Variants in UPF3A observed in about 807,000 individuals in gnomAD.
UPF3A encodes the protein UPF3A regulator of nonsense mediated mRNA decay, also known as regulator of nonsense transcripts 3A.
UPF3A carries 42 observed loss-of-function variants against 53.5 expected under a neutral mutation model. That is an observed-to-expected ratio of 0.78 (90% CI 0.61 to 1.01). The LOEUF is 1.01. Among genes scored for constraint, UPF3A ranks in the 50% least tolerant of loss-of-function variants. The pLI, the probability that UPF3A is intolerant of heterozygous loss-of-function variation, is 0.00. For synonymous variants in UPF3A, 237 were observed against 225.3 expected, an observed-to-expected ratio of 1.05 and a Z score of -0.47; for missense variants, 575 against 598.0, an observed-to-expected ratio of 0.96 and a Z score of 0.40.
At chr13:114,297,639 G>T (rs2086174535) in intron 7 of UPF3A, among the ~76,000 whole-genome samples, 1 of 152,024 alleles carries the variant, frequency 6.6e-6, no homozygotes, top group Admixed American at 6.6e-5. Context: ...GACCAGCCTG[G>T]CCAACATGAT....
chr13:114,282,429 C>G, intron 2 of UPF3A: 1 of 985,088 alleles, frequency 1.0e-6, no homozygotes, highest in Non-Finnish European at 1.2e-6. Context: ...CTTCCCTGCT[C>G]GTCCGCGGAC....
In UPF3A at chr13:114,304,942, T is replaced by C. The variant is rs964339876; in HGVS notation, c.*25T>C. 9.8e-5 allele frequency: 158 copies of C among 1,606,066 alleles called. No individual in the cohort carries two copies. Among genetic ancestry groups the C allele is most frequent in the Non-Finnish European group, 1.3e-4 (155 of 1,176,436 alleles). On this transcript the variant is annotated 3_prime_UTR_variant, in exon 10 of 10. Coordinates refer to ENST00000375299, the MANE Select transcript of UPF3A (RefSeq NM_023011.4). ...AGTCACTGCACGCACCTGGCCTCCA[T>C]GGACGAGCAAGGGCATCCCAGAAAC...
At position 114,281,895 on chromosome 13, in the gene UPF3A, T is replaced by TGAGGGGAGGGAGGGGAGG. The variant is rs1566716288; in HGVS notation, c.207+52_207+53insGGGAGGGAGGGGAGGGAG. 1.1e-5 allele frequency: 9 copies of TGAGGGGAGGGAGGGGAGG among 833,808 alleles called. No individual in the cohort carries two copies. The East Asian group carries it at 2.3e-4, about 22-fold the overall frequency. 51.7% of individuals were successfully genotyped at this position (833,808 alleles called of 1,614,324 possible). ...AAACCTCGCGAGGAGAGGACGGCCC[T>TGAGGGGAGGGAGGGGAGG]GAGTGGAGGGAGGGGAGGGAGGGGA... On this transcript the variant is annotated intron_variant, in intron 1 of 9. Transcript: ENST00000375299.
intron 5 of UPF3A, among the ~76,000 whole-genome samples, chr13:114,288,859 TAAG>T (rs1423606010): frequency 6.6e-6 from 1 of 152,158 alleles, no homozygotes; most frequent in Non-Finnish European, 1.5e-5. Context: ...AGATTTCACT[TAAG>T]AACTTGATAA....
At chr13:114,288,070 A>G (rs528174031) in intron 5 of UPF3A, among the ~76,000 whole-genome samples, 55 of 152,310 alleles carry the variant, frequency 3.6e-4, no homozygotes, top group Admixed American at 5.9e-4. Context: ...CTCCCAAAGT[A>G]CTGGGATTAC....
At chr13:114,294,330 A>G (rs77018031) in intron 7 of UPF3A, among the ~76,000 whole-genome samples, 3,496 of 150,478 alleles carry the variant, frequency 0.023, 150 homozygotes, top group African/African-American at 0.082. Context: ...GTGTAGTGGC[A>G]CAGTCACAGC....
In UPF3A at chr13:114,282,008, G is replaced by T; in HGVS notation, c.208-13G>T. On this transcript the variant is annotated splice_polypyrimidine_tract_variant and intron_variant, in intron 1 of 9. Coordinates refer to ENST00000375299, the MANE Select transcript of UPF3A (RefSeq NM_023011.4). Reference sequence around the variant, plus strand: ...GCTCCGCCCCGGTGGGAACGGCCGCGCGCTCCCCGCAGGTGGTCATCCGCC... The same window carrying T: ...GCTCCGCCCCGGTGGGAACGGCCGCTCGCTCCCCGCAGGTGGTCATCCGCC... 1.3e-6 allele frequency: 2 copies of T among 1,544,470 alleles called. No individual in the cohort carries two copies. The highest frequency in any genetic ancestry group is 1.7e-6 in the Non-Finnish European group (2 of 1,147,034).
chr13:114,284,702 A>C (rs1237273137), intron 3 of UPF3A, among the ~76,000 whole-genome samples: 1 of 152,122 alleles, frequency 6.6e-6, no homozygotes, highest in Non-Finnish European at 1.5e-5. Context: ...CTGTCTCAAA[A>C]AAAAAAAAAG....
chr13:114,284,995 T>C (rs1408518307), intron 3 of UPF3A: 3 of 152,276 alleles, frequency 2.0e-5, no homozygotes, highest in Non-Finnish European at 2.9e-5. Context: ...TTTGATGTCA[T>C]ATGCAACCCA....
In UPF3A at chr13:114,291,680, A is replaced by C. The variant is rs2085281061; in HGVS notation, c.734A>C (p.Glu245Ala). The C allele has an allele frequency of 1.2e-6, 2 of 1,607,436 alleles. No individual in the cohort carries two copies. Among genetic ancestry groups the C allele is most frequent in the Non-Finnish European group, 1.7e-6 (2 of 1,177,336 alleles). The change falls in exon 7 of 10, where the codon GAA becomes GCA. Residue 245 changes from glutamate (E) to alanine (A), a missense_variant. By Grantham distance (107) the Glu-to-Ala change is moderately radical. Transcript: ENST00000375299. ...GAAGAACGGAGGAGGAGAGAGTTAGAAAAGAAACGTTTGCGGGAAGAGGAA... is the reference window on the plus strand; with the variant it reads ...GAAGAACGGAGGAGGAGAGAGTTAGCAAAGAAACGTTTGCGGGAAGAGGAA... The part of the protein sequence containing the change: ...KREERRRREL[E>A]KKRLREEEKR...
At position 114,294,940 on chromosome 13, in the gene UPF3A, A is replaced by G. The variant is rs554967099; in HGVS notation, c.846+3148A>G. On this transcript the variant is annotated intron_variant, in intron 7 of 9. Transcript: ENST00000375299. The stretch of plus-strand genomic sequence containing the variant: ...ATCCTGGCTAACACGGTGAAACCCT[A>G]TCTCTACTAAAAATACAAAAAATTA... Among the ~76,000 whole-genome samples the G allele has an allele frequency of 6.9e-3, 1,043 of 150,956 alleles. 16 individuals carry two copies. Among genetic ancestry groups the G allele is most frequent in the South Asian group, 0.059 (279 of 4,756 alleles).
chr13:114,291,047 T>A (rs1416016076), intron 5 of UPF3A, among the ~76,000 whole-genome samples: 1 of 152,148 alleles, frequency 6.6e-6, no homozygotes, highest in African/African-American at 2.4e-5. Context: ...TGTGGAGTCA[T>A]TTTCTAAACT....
In UPF3A at chr13:114,281,670, C is replaced by T. The variant is rs1168307755; in HGVS notation, c.31C>T (p.Leu11Phe). Residue 11 changes from leucine to phenylalanine, a missense_variant, in exon 1 of 10, where the codon CTT (leucine) becomes TTT (phenylalanine). Physicochemically the swap from Leu to Phe is conservative, Grantham distance 22. Around this residue, in one of 2 missense-constraint regions of UPF3A, gnomAD observed 252 missense variants for 182.7 expected, o/e 1.38. Transcript: ENST00000375299. ...CTCGGAAAAGGAGGGGGCCGGAGGC[C>T]TTCGGGCGGCCGTTGCCGCGCGGGG... MRSEKEGAGG[L>F]RAAVAARGPS... 2.0e-6 allele frequency: 3 copies of T among 1,528,528 alleles called. No individual in the cohort carries two copies. Among genetic ancestry groups the T allele is most frequent in the East Asian group, 2.5e-5 (1 of 39,446 alleles). 94.7% of individuals were successfully genotyped at this position (1,528,528 alleles called of 1,614,324 possible).
chr13:114,303,969 G>C (rs1241571459), intron 9 of UPF3A, among the ~76,000 whole-genome samples: 1 of 152,240 alleles, frequency 6.6e-6, no homozygotes, highest in Non-Finnish European at 1.5e-5. Flanking sequence ...AGGAGGTAGA[G>C]GTGAGCTGGT....
chr13:114,282,222 C>G (rs1227391884), intron 2 of UPF3A, 95 bp downstream of exon 2: 2 of 1,096,464 alleles, frequency 1.8e-6, no homozygotes, highest in Admixed American at 2.8e-5. Context: ...CCTGATTTCT[C>G]CTATATGGGA....
chr13:114,292,097 T>C (rs1489185157), intron 7 of UPF3A, among the ~76,000 whole-genome samples: 4 of 151,882 alleles, frequency 2.6e-5, no homozygotes, highest in Non-Finnish European at 5.9e-5. Context: ...GCTCTTTTTT[T>C]TTTTTTTTTT....
chr13:114,301,853 G>A lies in UPF3A; in HGVS notation c.1130G>A (p.Arg377Gln), dbSNP rs1403779574. The A allele has an allele frequency of 2.5e-6, 4 of 1,613,188 alleles. No homozygotes were observed. The highest frequency in any genetic ancestry group is 2.2e-5 in the East Asian group (1 of 44,874). ...RRHRAHHEPE[R>Q]LSRRSEDEQR... ...CACAGAGCTCACCACGAGCCTGAAC[G>A]GCTTTCCAGAAGGAGTGAGGATGAG... The change falls in exon 9 of 10, where the codon CGG (arginine) becomes CAG (glutamine). Residue 377 changes from arginine (R) to glutamine (Q), a missense_variant. Coordinates refer to ENST00000375299, the MANE Select transcript of UPF3A (RefSeq NM_023011.4).
intron 3 of UPF3A, 182 bp from the exon 4 acceptor site, chr13:114,286,120 A>C: frequency 3.8e-6 from 3 of 786,194 alleles, no homozygotes; most frequent in South Asian, 4.9e-5. Context: ...TGAAAGTGTA[A>C]TAAAATTGTA....
chr13:114,293,919 C>A lies in UPF3A; in HGVS notation c.846+2127C>A, dbSNP rs758800238. Among the ~76,000 whole-genome samples, 5 of 151,988 alleles carry A rather than the reference C, an allele frequency of 3.3e-5. No homozygotes were observed. The East Asian group carries it at 9.7e-4, about 30-fold the overall frequency. ...GGTGGATTGCTCTAGCCCAGGAGGTCAAGACCAGCCTGGGCAACAGAGAGA... is the reference window on the plus strand; with the variant it reads ...GGTGGATTGCTCTAGCCCAGGAGGTAAAGACCAGCCTGGGCAACAGAGAGA... On this transcript the variant is annotated intron_variant, in intron 7 of 9. Coordinates refer to ENST00000375299, the MANE Select transcript of UPF3A (RefSeq NM_023011.4).
Sources: allele counts gnomAD v4.1 joint callset (sites outside exome capture counted in the v4.1 genomes callset), GRCh38; gene constraint gnomAD v4.1.1; regional missense constraint gnomAD v4.1.1; transcripts MANE v1.5; gene names NCBI Gene and HGNC (gene_info 2026-07-23, HGNC 2026-07-21).